PTPRD: variants seen among roughly 807,000 people sequenced by gnomAD.
The protein encoded by PTPRD is protein tyrosine phosphatase receptor type D.
A neutral mutation model predicts 214.5 loss-of-function variants in PTPRD; 34 were observed. The ratio of observed to expected loss-of-function variants is 0.16; its 90% CI spans 0.12 to 0.21. The LOEUF is 0.21. PTPRD is among the 10% of genes least tolerant of loss of function. PTPRD has a pLI of 1.00. For synonymous variants in PTPRD, 1,128 were observed against 845.7 expected (o/e 1.33, Z -5.79); for missense variants, 2,545 against 2,398.7 (o/e 1.06, Z -1.27).
chr9:8,821,757 C>T (rs1030411543), intron 11 of PTPRD, among the ~76,000 whole-genome samples: 1 of 152,186 alleles, frequency 6.6e-6, no homozygotes, highest in African/African-American at 2.4e-5. Flanking sequence ...CCTCCGCCTC[C>T]CAGGTTCAAG....
chr9:9,585,536 C>T (rs145239496), intron 7 of PTPRD, among the ~76,000 whole-genome samples: 63 of 152,114 alleles, frequency 4.1e-4, no homozygotes, highest in East Asian at 7.7e-4. Context: ...CAAAATTTAT[C>T]CTCTTCCTGC....
At position 8,795,887 on chromosome 9, in the gene PTPRD, A is replaced by G. The variant is rs867016430; in HGVS notation, c.-103-61941T>C. Among the ~76,000 whole-genome samples the G allele has an allele frequency of 4.6e-5, 7 of 152,302 alleles. No homozygotes were observed. The Middle Eastern group carries it at 0.01, about 222-fold the overall frequency. ...AAAAATAAGCTCAAACAAAATGCAT[A>G]AAAGTATGCACCAAGTCGCATGTTC... is the stretch of plus-strand genomic sequence containing the variant. On this transcript the variant is annotated intron_variant, in intron 11 of 45. Coordinates refer to ENST00000381196, the MANE Select transcript of PTPRD (RefSeq NM_002839.4).
intron 36 of PTPRD, among the ~76,000 whole-genome samples, chr9:8,389,763 C>A (rs1487206744): frequency 6.6e-6 from 1 of 152,048 alleles, no homozygotes; most frequent in Non-Finnish European, 1.5e-5. Flanking sequence ...CCATGTGCTT[C>A]CCAGGCAAAA....
intron 5 of PTPRD, among the ~76,000 whole-genome samples, chr9:9,905,525 T>C (rs890239550): frequency 1.3e-5 from 2 of 151,954 alleles, no homozygotes; most frequent in African/African-American, 2.4e-5. Context: ...CAGATACTTA[T>C]CTTAAAAAGT....
At chr9:10,201,791 C>A (rs1397739114) in intron 3 of PTPRD, among the ~76,000 whole-genome samples, 2 of 152,080 alleles carry the variant, frequency 1.3e-5, no homozygotes, top group East Asian at 3.9e-4. Context: ...ATTTGTCAAC[C>A]ATAAATAACA....
chr9:10,551,406 T>G (rs575864062), intron 2 of PTPRD, among the ~76,000 whole-genome samples: 1 of 152,104 alleles, frequency 6.6e-6, no homozygotes, highest in Non-Finnish European at 1.5e-5. Context: ...GTGCTATGGT[T>G]TGAATGTCTA....
chr9:8,340,609 T>A, intron 41 of PTPRD, 140 bp from the exon 42 acceptor site: 1 of 841,882 alleles, frequency 1.2e-6, no homozygotes, highest in Middle Eastern at 3.9e-4. Flanking sequence ...CCTGCTAAGA[T>A]TAAATAATCA....
chr9:8,460,833 T>C (rs1403374916), intron 32 of PTPRD, among the ~76,000 whole-genome samples: 1 of 152,040 alleles, frequency 6.6e-6, no homozygotes, highest in Non-Finnish European at 1.5e-5. Flanking sequence ...ATAGACACTT[T>C]TTATTGGGCT....
At chr9:8,490,124 A>T (rs1448594611) in intron 27 of PTPRD, among the ~76,000 whole-genome samples, 1 of 152,130 alleles carries the variant, frequency 6.6e-6, no homozygotes, top group African/African-American at 2.4e-5. Context: ...GGTAAGATGA[A>T]AGGGTCTTAA....
chr9:10,499,895 A>C (rs1477999899), intron 2 of PTPRD, among the ~76,000 whole-genome samples: 2 of 151,890 alleles, frequency 1.3e-5, no homozygotes, highest in African/African-American at 4.8e-5. Context: ...AAAAAATGTT[A>C]ATTTTAAAAA....
chr9:8,319,331 T>G (rs183412223), intron 45 of PTPRD, among the ~76,000 whole-genome samples: 1 of 152,082 alleles, frequency 6.6e-6, no homozygotes, highest in Non-Finnish European at 1.5e-5. Flanking sequence ...ATTATTGGAA[T>G]AGGAAATGAG....
At chr9:9,035,079 G>C (rs1483071968) in intron 10 of PTPRD, among the ~76,000 whole-genome samples, 2 of 152,022 alleles carry the variant, frequency 1.3e-5, no homozygotes, top group Non-Finnish European at 2.9e-5. Flanking sequence ...TGTGGGATTG[G>C]ATTTTTTGCA....
Position 10,001,856 on chromosome 9 carries a change from TAA to T in PTPRD, c.-472+31860_-472+31861del, listed in dbSNP as rs534574514. Among the ~76,000 whole-genome samples the T allele has an allele frequency of 1.0e-3, 157 of 152,108 alleles. 1 individual carries two copies. The South Asian group carries it at 0.014, about 14-fold the overall frequency. On this transcript the variant is annotated intron_variant, in intron 4 of 45. Transcript: ENST00000381196. ...AGTAACTTGAGTCCACATGGAGGAA[TAA>T]AGAGTACAGACAAACAAACAATATA...
intron 7 of PTPRD, among the ~76,000 whole-genome samples, chr9:9,693,532 G>T (rs901246080): frequency 1.3e-5 from 2 of 152,004 alleles, no homozygotes; most frequent in Non-Finnish European, 2.9e-5. Flanking sequence ...CTTTATAGCC[G>T]TGTGAAAATG....
intron 14 of PTPRD, among the ~76,000 whole-genome samples, chr9:8,618,334 A>G (rs1384147201): frequency 6.6e-6 from 1 of 152,144 alleles, no homozygotes; most frequent in Non-Finnish European, 1.5e-5. Flanking sequence ...CACATAGGTA[A>G]AGGGCTTGGT....
At chr9:9,088,027 G>A (rs549529416) in intron 10 of PTPRD, among the ~76,000 whole-genome samples, 3 of 151,006 alleles carry the variant, frequency 2.0e-5, no homozygotes, top group African/African-American at 7.3e-5. Context: ...AATTACAAGC[G>A]TGCACCACCA....
intron 3 of PTPRD, among the ~76,000 whole-genome samples, chr9:10,082,998 T>C (rs149177349): frequency 0.012 from 1,754 of 152,124 alleles, 31 homozygotes; most frequent in African/African-American, 0.04. Context: ...AAAGTCAACA[T>C]TAAAGACTTT....
At chr9:9,640,939 C>T (rs113536665) in intron 7 of PTPRD, among the ~76,000 whole-genome samples, 5 of 152,238 alleles carry the variant, frequency 3.3e-5, no homozygotes, top group Admixed American at 6.5e-5. Context: ...TCAGAGTCAA[C>T]GTAAGATCAA....
intron 10 of PTPRD, among the ~76,000 whole-genome samples, chr9:9,112,960 A>ATTTTTTTTTTTTTTTTTTTTTTTTT (rs200147474): frequency 6.8e-6 from 1 of 147,818 alleles, no homozygotes; most frequent in African/African-American, 2.5e-5. Context: ...CTGAGCTCCT[A>ATTTTTTTTTTTTTTTTTTTTTTTTT]TTTTTTTCTT....
Sources: gnomAD v4.1 joint callset for allele counts (sites outside exome capture counted in the v4.1 genomes callset) on GRCh38, gnomAD v4.1.1 for gene constraint, MANE v1.5 for transcripts, NCBI Gene and HGNC (gene_info 2026-07-23, HGNC 2026-07-21) for gene names.